The following HYDIN variants were observed in gnomAD, a reference collection of about 807,000 sequenced individuals.
HYDIN encodes the protein axonemal central pair apparatus protein HYDIN.
A neutral mutation model predicts 403.9 loss-of-function variants in HYDIN; 132 were observed. That is an observed-to-expected ratio of 0.33 (90% CI 0.28 to 0.38). HYDIN has a LOEUF of 0.38. Among genes scored for constraint, HYDIN ranks in the 10% least tolerant of loss-of-function variants. The pLI is 1.00. For synonymous variants in HYDIN, 1,202 were observed against 1,891.7 expected (o/e 0.64, Z 9.46); for missense variants, 2,827 against 5,009.5 (o/e 0.56, Z 13.15).
chr16:70,996,854 G>T (rs1185926181), intron 23 of HYDIN, among the ~76,000 whole-genome samples: 2 of 151,782 alleles, frequency 1.3e-5, no homozygotes, highest in Non-Finnish European at 2.9e-5. Flanking sequence ...CATGGACTGG[G>T]TGGGGTGGTG....
At chr16:70,971,417 T>C (rs1328210531) in intron 35 of HYDIN, among the ~76,000 whole-genome samples, 1 of 152,168 alleles carries the variant, frequency 6.6e-6, no homozygotes, top group Non-Finnish European at 1.5e-5. Flanking sequence ...TACCCAAATC[T>C]ACATTGCATC....
chr16:71,180,994 A>G (rs970173018), intron 3 of HYDIN, among the ~76,000 whole-genome samples: 6 of 152,090 alleles, frequency 3.9e-5, no homozygotes, highest in African/African-American at 1.2e-4. Context: ...TAAAACACAT[A>G]GAAACAAATC....
At chr16:70,840,319 G>A (rs1405192302) in intron 75 of HYDIN, 86 bp from the exon 76 acceptor site, 3 of 1,225,682 alleles carry the variant, frequency 2.4e-6, no homozygotes, top group Non-Finnish European at 3.4e-6. Context: ...CAGGAAAGCA[G>A]TTGGTGCTTT....
intron 45 of HYDIN, among the ~76,000 whole-genome samples, chr16:70,933,040 TAC>T (rs1220328746): frequency 2.6e-5 from 4 of 151,558 alleles, no homozygotes; most frequent in African/African-American, 9.7e-5. Context: ...AACAGAAAAA[TAC>T]ACTTTATGTT....
At chr16:71,092,919 A>G (rs1181125434) in intron 11 of HYDIN, among the ~76,000 whole-genome samples, 2 of 143,558 alleles carry the variant, frequency 1.4e-5, no homozygotes, top group Non-Finnish European at 3.0e-5. Flanking sequence ...TGTGCTCAAC[A>G]CACATTAAGG....
At chr16:71,127,028 G>A (rs2084493276) in intron 9 of HYDIN, among the ~76,000 whole-genome samples, 2 of 152,138 alleles carry the variant, frequency 1.3e-5, no homozygotes, top group South Asian at 2.1e-4. Flanking sequence ...TTTCACAAAC[G>A]AGAACTGTAT....
intron 65 of HYDIN, among the ~76,000 whole-genome samples, chr16:70,869,620 T>C (rs4985431): frequency 0.028 from 4,015 of 145,142 alleles, 426 homozygotes; most frequent in Admixed American, 0.21. Flanking sequence ...TCTGCTACCA[T>C]GTAAAATGTG....
At chr16:70,905,055 A>T (rs2076496719) in intron 50 of HYDIN, among the ~76,000 whole-genome samples, 1 of 152,190 alleles carries the variant, frequency 6.6e-6, no homozygotes, top group South Asian at 2.1e-4. Context: ...GAGGCACATC[A>T]TCAGAGGTCA....
chr16:71,014,364 A>G (rs1399572964), intron 23 of HYDIN, among the ~76,000 whole-genome samples: 1 of 117,600 alleles, frequency 8.5e-6, no homozygotes, highest in East Asian at 3.1e-4. Context: ...CCCTCCGCCA[A>G]CATCATGGTA....
intron 18 of HYDIN, among the ~76,000 whole-genome samples, chr16:71,037,479 CA>C (rs2144180745): frequency 1.3e-5 from 2 of 152,112 alleles, no homozygotes; most frequent in African/African-American, 4.8e-5. Context: ...CTTAGTCAAA[CA>C]CAAATCCAGG....
rs2077418469 is a variant in HYDIN, at chr16:70,933,693, G to A, written c.7158+2259C>T. ...GGATCTATTCACAGTTCCCAGCAGG[G>A]AGTGTCACATAGCAGGAATTCAGCA... On this transcript the variant is annotated intron_variant, in intron 45 of 85. Coordinates refer to ENST00000393567, the MANE Select transcript of HYDIN (RefSeq NM_001270974.2). The A allele has an allele frequency of 1.9e-5, 3 of 154,792 alleles. No individual in the cohort carries two copies. The South Asian group carries it at 6.1e-4, about 32-fold the overall frequency. 9.6% of individuals were successfully genotyped at this position (154,792 alleles called of 1,614,324 possible).
chr16:70,941,393 C>G (rs1190470287), intron 43 of HYDIN: 4 of 318,234 alleles, frequency 1.3e-5, no homozygotes, highest in African/African-American at 8.6e-5. Context: ...GGATGGGACC[C>G]GTAATGGCTG....
At chr16:71,084,549 G>A (rs1226788331) in intron 12 of HYDIN, among the ~76,000 whole-genome samples, 1 of 150,648 alleles carries the variant, frequency 6.6e-6, no homozygotes, top group African/African-American at 2.5e-5. Context: ...ACCATGCCCA[G>A]TTAATTTTTT....
Position 71,062,212 on chromosome 16 carries a change from G to C in HYDIN, c.2333C>G (p.Ser778Cys). The change falls in exon 17 of 86, where the codon TCC (serine) becomes TGC (cysteine). Residue 778 changes from serine to cysteine, a missense_variant. By Grantham distance (112) the Ser-to-Cys change is moderately radical (BLOSUM62 -1). Transcript: ENST00000393567. ...LETQVTGEHR[S>C]TVYISIFGSQ... Reference sequence around the variant, plus strand: ...CCCAAAGATTGAGATGTAAACCGTGGATCTGTGTTCTCCAGTGACCTGGGT... The same window carrying C: ...CCCAAAGATTGAGATGTAAACCGTGCATCTGTGTTCTCCAGTGACCTGGGT... 1.3e-6 allele frequency: 2 copies of C among 1,506,860 alleles called. No homozygotes were observed. The highest frequency in any genetic ancestry group is 1.8e-6 in the Non-Finnish European group (2 of 1,092,284). 93.3% of individuals were successfully genotyped at this position (1,506,860 alleles called of 1,614,324 possible).
rs570806108 is a variant in HYDIN at position 71,028,851 on chromosome 16, G to A, written c.2769-976C>T. Among the ~76,000 whole-genome samples the A allele has an allele frequency of 6.4e-3, 969 of 151,742 alleles. 9 individuals are homozygous for A. Among genetic ancestry groups the A allele is most frequent in the African/African-American group, 0.022 (927 of 41,348 alleles). On this transcript the variant is annotated intron_variant, in intron 19 of 85. Transcript: ENST00000393567. The stretch of plus-strand genomic sequence containing the variant: ...TTTACTTGGTAGTTTATGGCTAACA[G>A]TAGGCTTTTGGGGGAAATAATAAAC...
rs1488854727 is a variant in HYDIN at position 70,829,689 on chromosome 16, G to T, written c.14041C>A (p.His4681Asn). The change falls in exon 81 of 86, where the codon CAC becomes AAC. Residue 4681 changes from histidine (H) to asparagine (N), a missense_variant. Transcript: ENST00000393567. ...EGPEFITLEA[H>N]QQNKPYEITY... ...ATCTCATAGGGCTTGTTTTGCTGGT[G>T]GGCCTCCAGGGTGATGAACTCAGGC... 1 of 1,613,658 alleles carries T rather than the reference G, an allele frequency of 6.2e-7. No homozygotes were observed. The highest frequency in any genetic ancestry group is 1.3e-5 in the African/African-American group (1 of 74,926).
In HYDIN at chr16:70,894,473, C is replaced by T. The variant is rs569134886; in HGVS notation, c.9224G>A (p.Arg3075His). The change falls in exon 55 of 86, where the codon CGT becomes CAT. Residue 3075 changes from arginine to histidine, a missense_variant. Coordinates refer to ENST00000393567, the MANE Select transcript of HYDIN (RefSeq NM_001270974.2). ...EAKQPLQLKN[R>H]GKYEIAFSFS... The stretch of plus-strand genomic sequence containing the variant: ...CCTGAACGCGATCTCATATTTCCCA[C>T]GGTTCTTCAATTGCAGGGGCTGCTT... 47 of 1,594,730 alleles carry T rather than the reference C, an allele frequency of 2.9e-5. No individual in the cohort carries two copies. The highest frequency in any genetic ancestry group is 2.8e-4 in the Admixed American group (16 of 56,632).
intron 9 of HYDIN, among the ~76,000 whole-genome samples, chr16:71,123,870 C>G (rs2084350029): frequency 6.6e-6 from 1 of 152,204 alleles, no homozygotes; most frequent in South Asian, 2.1e-4. Context: ...TAAGACATGC[C>G]TTTCACCTTC....
chr16:70,834,686 A>T (rs2037251729), intron 78 of HYDIN, among the ~76,000 whole-genome samples: 1 of 152,014 alleles, frequency 6.6e-6, no homozygotes, highest in South Asian at 2.1e-4. Flanking sequence ...CGTCTCTACT[A>T]AAAATACAAA....
Sources: gnomAD v4.1 joint callset for allele counts (sites outside exome capture counted in the v4.1 genomes callset) on GRCh38, gnomAD v4.1.1 for gene constraint, MANE v1.5 for transcripts, NCBI Gene and HGNC (gene_info 2026-07-23, HGNC 2026-07-21) for gene names.